INPP4B: variants seen among roughly 807,000 people sequenced by gnomAD.
INPP4B encodes the protein inositol polyphosphate-4-phosphatase type II B, also known as inositol polyphosphate 4-phosphatase type II.
INPP4B carries 55 observed loss-of-function variants against 122.5 expected under a neutral mutation model. The ratio of observed to expected loss-of-function variants is 0.45; its 90% confidence interval spans 0.36 to 0.56. The LOEUF is 0.56. Ranked by LOEUF, INPP4B falls within the 20% of genes least tolerant of loss-of-function variation. The pLI, the probability that INPP4B is intolerant of heterozygous loss-of-function variation, is 0.00. For synonymous variants in INPP4B, 403 were observed against 388.7 expected, an observed-to-expected ratio of 1.04 and a Z score of -0.43; for missense variants, 1,000 against 1,097.7, an observed-to-expected ratio of 0.91 and a Z score of 1.26.
chr4:142,173,765 T>G lies in INPP4B; in HGVS notation c.1226A>C (p.Lys409Thr). ...GATGTTGCTGAGAACTTCCTTTGCTTTGGCTGTGTTTTCAGGTGAATAGTA... is the reference window on the plus strand; with the variant it reads ...GATGTTGCTGAGAACTTCCTTTGCTGTGGCTGTGTTTTCAGGTGAATAGTA... Reference protein sequence around the residue: ...FIYYSPENTAKAKEVLSNINQ... With the variant: ...FIYYSPENTATAKEVLSNINQ... Residue 409 changes from lysine to threonine, a missense_variant, in exon 16 of 26, where the codon AAA (lysine) becomes ACA (threonine). Coordinates refer to ENST00000262992, the MANE Select transcript of INPP4B (RefSeq NM_001101669.3). 6.2e-7 allele frequency: 1 copy of G among 1,613,250 alleles called. No individual in the cohort carries two copies. Among genetic ancestry groups the G allele is most frequent in the Non-Finnish European group, 8.5e-7 (1 of 1,179,440 alleles).
chr4:142,318,309 A>G (rs1239792840), intron 7 of INPP4B, among the ~76,000 whole-genome samples: 1 of 152,134 alleles, frequency 6.6e-6, no homozygotes, highest in Non-Finnish European at 1.5e-5. Context: ...ACCATGAGAC[A>G]GGGAGGAAGA....
intron 7 of INPP4B, chr4:142,347,635 AAT>A: frequency 2.9e-6 from 1 of 345,936 alleles, no homozygotes; most frequent in Admixed American, 3.8e-5. Flanking sequence ...TTTCAATAAA[AAT>A]AGTTTAAAAA....
intron 2 of INPP4B, among the ~76,000 whole-genome samples, chr4:142,603,267 C>A (rs1445146804): frequency 6.6e-6 from 1 of 151,850 alleles, no homozygotes; most frequent in East Asian, 1.9e-4. Context: ...GGAAAAATAG[C>A]TAAAGGATTC....
intron 14 of INPP4B, among the ~76,000 whole-genome samples, chr4:142,201,688 G>GA (rs967677801): frequency 7.2e-4 from 107 of 148,382 alleles, no homozygotes; most frequent in African/African-American, 2.4e-3. Flanking sequence ...CCTCCAAAGA[G>GA]AAAAAAATGT....
intron 2 of INPP4B, among the ~76,000 whole-genome samples, chr4:142,672,530 T>G (rs1399371846): frequency 6.6e-6 from 1 of 152,190 alleles, no homozygotes; most frequent in African/African-American, 2.4e-5. Context: ...CATCTTTTCA[T>G]GTACTTATTT....
intron 25 of INPP4B, among the ~76,000 whole-genome samples, chr4:142,036,500 G>GAA (rs1165439468): frequency 6.6e-6 from 1 of 152,088 alleles, no homozygotes; most frequent in Non-Finnish European, 1.5e-5. Flanking sequence ...TCAAAAGTCT[G>GAA]AAAAGTAATT....
intron 2 of INPP4B, among the ~76,000 whole-genome samples, chr4:142,611,335 C>T (rs373248087): frequency 3.0e-4 from 46 of 152,164 alleles, no homozygotes; most frequent in East Asian, 1.5e-3. Context: ...TGTTACAATT[C>T]GATGTGAGAT....
intron 2 of INPP4B, among the ~76,000 whole-genome samples, chr4:142,644,675 G>A (rs1198233000): frequency 1.3e-5 from 2 of 149,680 alleles, no homozygotes; most frequent in African/African-American, 4.9e-5. Context: ...GGTGGGCTGG[G>A]CGGATCACCT....
chr4:142,338,871 T>G (rs1279430903), intron 7 of INPP4B, among the ~76,000 whole-genome samples: 1 of 152,072 alleles, frequency 6.6e-6, no homozygotes, highest in Non-Finnish European at 1.5e-5. Flanking sequence ...ACGGGCTCTG[T>G]GAACTACCTC....
chr4:142,482,706 G>A (rs573388048), intron 2 of INPP4B, among the ~76,000 whole-genome samples: 42 of 152,142 alleles, frequency 2.8e-4, no homozygotes, highest in Admixed American at 2.0e-4. Context: ...TAAGTCATAC[G>A]CCAATGCTTT....
chr4:142,620,492 C>G (rs764038628), intron 2 of INPP4B, among the ~76,000 whole-genome samples: 1 of 151,824 alleles, frequency 6.6e-6, no homozygotes, highest in Admixed American at 6.6e-5. Context: ...AATAGACACT[C>G]GTGCCCACTT....
intron 2 of INPP4B, among the ~76,000 whole-genome samples, chr4:142,561,343 A>G (rs1730426469): frequency 6.6e-6 from 1 of 152,188 alleles, no homozygotes; most frequent in African/African-American, 2.4e-5. Flanking sequence ...ACTTGTCTAG[A>G]TATGCATTTT....
At chr4:142,166,047 T>C (rs2152925395) in intron 16 of INPP4B, among the ~76,000 whole-genome samples, 1 of 151,894 alleles carries the variant, frequency 6.6e-6, no homozygotes, top group South Asian at 2.1e-4. Context: ...TTAATTCTTT[T>C]GCCCATTTTT....
chr4:142,034,132 T>C (rs984982293), intron 25 of INPP4B, among the ~76,000 whole-genome samples: 3 of 152,224 alleles, frequency 2.0e-5, no homozygotes, highest in African/African-American at 7.2e-5. Flanking sequence ...CATGAGACTC[T>C]CTCTATATGT....
At chr4:142,187,895 C>T (rs903039164) in intron 15 of INPP4B, among the ~76,000 whole-genome samples, 2 of 151,952 alleles carry the variant, frequency 1.3e-5, no homozygotes, top group African/African-American at 4.8e-5. Context: ...CATGCCTGGC[C>T]TATATTATGT....
At chr4:142,764,369 T>C (rs1357758259) in intron 1 of INPP4B, among the ~76,000 whole-genome samples, 1 of 152,136 alleles carries the variant, frequency 6.6e-6, no homozygotes, top group Non-Finnish European at 1.5e-5. Flanking sequence ...TCAAAGGTCA[T>C]TTCTTGCTTT....
chr4:142,796,868 A>ATG (rs34860975), intron 1 of INPP4B, among the ~76,000 whole-genome samples: 8,399 of 105,168 alleles, frequency 0.08, 270 homozygotes, highest in Middle Eastern at 0.14. Context: ...CGGAAAACAG[A>ATG]TGTGTGTGTG....
chr4:142,189,235 C>T (rs546692611), intron 15 of INPP4B, among the ~76,000 whole-genome samples: 2 of 152,218 alleles, frequency 1.3e-5, no homozygotes, highest in Non-Finnish European at 2.9e-5. Flanking sequence ...TAGTGGGCAG[C>T]CAAGGTTGGT....
At position 142,461,831 on chromosome 4, in the gene INPP4B, G is replaced by A. The variant is rs977156219; in HGVS notation, c.-127+832C>T. ...AACACACACACACACACACGTTGGGGTAAGGTGAGGTCAGGTGACAGATTC... is the reference window on the plus strand; with the variant it reads ...AACACACACACACACACACGTTGGGATAAGGTGAGGTCAGGTGACAGATTC... On this transcript the variant is annotated intron_variant, in intron 3 of 25. Transcript: ENST00000262992. Among the ~76,000 whole-genome samples, 5 of 143,082 alleles carry A rather than the reference G, an allele frequency of 3.5e-5. No homozygotes were observed. In the East Asian group the frequency reaches 1.1e-3, roughly 33 times the overall value. The allele number at this position is 143,082 out of a possible 152,430, so 93.9% of individuals were successfully genotyped here.
Sources: allele counts gnomAD v4.1 joint callset (sites outside exome capture counted in the v4.1 genomes callset), GRCh38; gene constraint gnomAD v4.1.1; transcripts MANE v1.5; gene names NCBI Gene and HGNC (gene_info 2026-07-23, HGNC 2026-07-21).